Variants in TCF7L2 observed in about 807,000 individuals in gnomAD.
TCF7L2 encodes transcription factor 7-like 2.
A neutral mutation model predicts 77.9 loss-of-function variants in TCF7L2; 23 were observed. The ratio of observed to expected loss-of-function variants is 0.30; its 90% CI spans 0.21 to 0.42. The LOEUF (loss-of-function observed/expected upper bound fraction) is 0.42. Among genes scored for constraint, TCF7L2 ranks in the 10% least tolerant of loss-of-function variants. The pLI, the probability that TCF7L2 is intolerant of heterozygous loss-of-function variation, is 1.00. For missense variants in TCF7L2, 654 were observed against 793.1 expected, an observed-to-expected ratio of 0.82 and a Z score of 2.11; for synonymous variants, 413 against 340.2, an observed-to-expected ratio of 1.21 and a Z score of -2.36.
chr10:113,074,383 A>G (rs1263118701), intron 5 of TCF7L2, among the ~76,000 whole-genome samples: 1 of 152,184 alleles, frequency 6.6e-6, no homozygotes, highest in Non-Finnish European at 1.5e-5. Context: ...GCAGATTACT[A>G]AAGCTGTGTG....
At chr10:113,040,273 T>A in intron 5 of TCF7L2, 147 bp downstream of exon 5, 1 of 691,922 alleles carries the variant, frequency 1.4e-6, no homozygotes, top group Non-Finnish European at 2.4e-6. Flanking sequence ...AGTTTATATC[T>A]ATAAGGTATT....
At chr10:113,019,694 A>C (rs910721473) in intron 4 of TCF7L2, among the ~76,000 whole-genome samples, 1 of 152,230 alleles carries the variant, frequency 6.6e-6, no homozygotes, top group African/African-American at 2.4e-5. Context: ...AGCATTGTCA[A>C]AGGTGGTTGA....
At chr10:113,021,705 A>G (rs201974704) in intron 4 of TCF7L2, among the ~76,000 whole-genome samples, 1 of 152,092 alleles carries the variant, frequency 6.6e-6, no homozygotes, top group East Asian at 1.9e-4. Flanking sequence ...CTGACTTCCC[A>G]CTCTTTAAAC....
At chr10:113,100,063 G>T (rs977329551) in intron 5 of TCF7L2, among the ~76,000 whole-genome samples, 1 of 152,168 alleles carries the variant, frequency 6.6e-6, no homozygotes, top group Non-Finnish European at 1.5e-5. Context: ...ATAGAGTCAG[G>T]TCATCCGTGA....
At chr10:112,991,400 C>T (rs141422131) in intron 4 of TCF7L2, among the ~76,000 whole-genome samples, 83 of 148,640 alleles carry the variant, frequency 5.6e-4, no homozygotes, top group African/African-American at 2.0e-3. Context: ...CCCAGCTGCT[C>T]GGGAGTCTGA....
chr10:112,982,392 G>T (rs1395551261), intron 4 of TCF7L2, among the ~76,000 whole-genome samples: 1 of 152,126 alleles, frequency 6.6e-6, no homozygotes, highest in Non-Finnish European at 1.5e-5. Context: ...CCAGTACCTG[G>T]CACATAAGAA....
At chr10:113,101,012 T>C (rs1254059261) in intron 5 of TCF7L2, among the ~76,000 whole-genome samples, 1 of 149,944 alleles carries the variant, frequency 6.7e-6, no homozygotes, top group African/African-American at 2.5e-5. Flanking sequence ...GAGGAGGAGG[T>C]TGTGGTGAGC....
In TCF7L2 at chr10:113,134,727, C is replaced by A. The variant is rs139514797; in HGVS notation, c.553-6457C>A. Reference sequence around the variant, plus strand: ...AAATGCATAGAGGTGGACTATAAACCAATTTTTAAATGTAAACCTGGAGTG... The same window carrying A: ...AAATGCATAGAGGTGGACTATAAACAAATTTTTAAATGTAAACCTGGAGTG... On this transcript the variant is annotated intron_variant, in intron 5 of 13. Transcript: ENST00000627217. Among the ~76,000 whole-genome samples, 96 of 152,306 alleles carry A rather than the reference C, an allele frequency of 6.3e-4. 1 individual carries two copies. In the East Asian group the frequency reaches 0.018, roughly 29 times the overall value.
chr10:113,008,313 A>T (rs968315019), intron 4 of TCF7L2, among the ~76,000 whole-genome samples: 2 of 152,120 alleles, frequency 1.3e-5, no homozygotes, highest in Non-Finnish European at 2.9e-5. Flanking sequence ...GCATCCTTGG[A>T]CATCTTCCTG....
chr10:112,964,491 G>C, intron 3 of TCF7L2, 65 bp from the exon 4 acceptor site: 3 of 1,490,810 alleles, frequency 2.0e-6, no homozygotes, highest in Non-Finnish European at 2.8e-6. Context: ...TTCATAAACT[G>C]CTTAAGATGT....
chr10:113,157,705 C>T (rs777480625), intron 11 of TCF7L2: 1 of 265,548 alleles, frequency 3.8e-6, no homozygotes, highest in Non-Finnish European at 7.4e-6. Context: ...TCGTGCCGTC[C>T]CCCATTCCCT....
intron 5 of TCF7L2, among the ~76,000 whole-genome samples, chr10:113,103,754 A>G (rs1334532214): frequency 6.6e-6 from 1 of 152,100 alleles, no homozygotes; most frequent in Non-Finnish European, 1.5e-5. Flanking sequence ...CATCAAGTGT[A>G]TATTTGCACA....
chr10:113,147,518 G>A (rs2069726888), intron 8 of TCF7L2, among the ~76,000 whole-genome samples: 2 of 152,132 alleles, frequency 1.3e-5, no homozygotes, highest in African/African-American at 4.8e-5. Context: ...GTAGGAAAAC[G>A]CTCGTGTGTT....
At chr10:113,019,177 T>A (rs1157424877) in intron 4 of TCF7L2, among the ~76,000 whole-genome samples, 1 of 152,216 alleles carries the variant, frequency 6.6e-6, no homozygotes, top group Non-Finnish European at 1.5e-5. Flanking sequence ...TGTCTTGGCT[T>A]GAGATGTCAA....
chr10:112,999,070 G>A (rs1291425808), intron 4 of TCF7L2, among the ~76,000 whole-genome samples: 2 of 152,204 alleles, frequency 1.3e-5, no homozygotes, highest in Admixed American at 6.5e-5. Context: ...AGGCTGGAGT[G>A]CAGTGGCACA....
At chr10:113,062,203 CAAGGCTAAAGT>C (rs2056568659) in intron 5 of TCF7L2, among the ~76,000 whole-genome samples, 1 of 152,128 alleles carries the variant, frequency 6.6e-6, no homozygotes, top group African/African-American at 2.4e-5. Flanking sequence ...TCACCTCTTC[CAAGGCTAAAGT>C]TTGGAGCCAC....
intron 5 of TCF7L2, among the ~76,000 whole-genome samples, chr10:113,098,529 AC>A (rs551356423): frequency 1.8e-4 from 28 of 151,772 alleles, no homozygotes; most frequent in African/African-American, 6.0e-4. Flanking sequence ...ATGTGGTGAA[AC>A]CCCCGTCTCT....
At chr10:112,965,103 G>T (rs1432995222) in intron 4 of TCF7L2, among the ~76,000 whole-genome samples, 1 of 152,036 alleles carries the variant, frequency 6.6e-6, no homozygotes, top group Non-Finnish European at 1.5e-5. Flanking sequence ...GTTTCTGGTG[G>T]ATCAAAATCA....
chr10:113,021,484 C>T (rs145523074), intron 4 of TCF7L2, among the ~76,000 whole-genome samples: 2 of 152,292 alleles, frequency 1.3e-5, no homozygotes, highest in East Asian at 1.9e-4. Context: ...AGAATAGCAA[C>T]GGTGGTAAGA....
Sources: gnomAD v4.1 joint callset for allele counts (sites outside exome capture counted in the v4.1 genomes callset) on GRCh38, gnomAD v4.1.1 for gene constraint, MANE v1.5 for transcripts, NCBI Gene and HGNC (gene_info 2026-07-23, HGNC 2026-07-21) for gene names.